TRIM9: variants seen among roughly 807,000 people sequenced by gnomAD.
TRIM9 encodes tripartite motif containing 9.
In TRIM9, 26 loss-of-function variants were observed where a neutral mutation model predicts 78.3. The ratio of observed to expected loss-of-function variants is 0.33; its 90% confidence interval spans 0.24 to 0.46. The LOEUF is 0.46. Ranked by LOEUF, TRIM9 falls within the 20% of genes least tolerant of loss-of-function variation. TRIM9 has a pLI of 1.00. For missense variants in TRIM9, 787 were observed against 1,036.4 expected (o/e 0.76, Z 3.30); for synonymous variants, 398 against 416.5 (o/e 0.96, Z 0.54).
At chr14:51,033,544 G>A (rs1376909330) in intron 1 of TRIM9, among the ~76,000 whole-genome samples, 1 of 152,200 alleles carries the variant, frequency 6.6e-6, no homozygotes, top group East Asian at 1.9e-4. Flanking sequence ...AATTTGCTCT[G>A]GTCCCATTTT....
chr14:51,034,358 G>T (rs1300892221), intron 1 of TRIM9, among the ~76,000 whole-genome samples: 1 of 151,862 alleles, frequency 6.6e-6, no homozygotes, highest in African/African-American at 2.4e-5. Flanking sequence ...TTTGAAAAAG[G>T]GTCCCTTCTC....
intron 1 of TRIM9, among the ~76,000 whole-genome samples, chr14:51,067,820 C>G (rs531187676): frequency 6.6e-6 from 1 of 151,890 alleles, no homozygotes; most frequent in African/African-American, 2.4e-5. Context: ...CTACCATTTA[C>G]TTTTCCTCAC....
intron 1 of TRIM9, among the ~76,000 whole-genome samples, chr14:51,066,617 A>T (rs2061761215): frequency 6.6e-6 from 1 of 152,216 alleles, no homozygotes; most frequent in South Asian, 2.1e-4. Context: ...TAGTTTAAAG[A>T]TCTTAACTGG....
At chr14:50,993,722 T>C (rs2053834715) in intron 7 of TRIM9, among the ~76,000 whole-genome samples, 1 of 152,230 alleles carries the variant, frequency 6.6e-6, no homozygotes, top group African/African-American at 2.4e-5. Context: ...TTCAGTCACC[T>C]TGCAGACAGA....
At chr14:50,981,484 T>C (rs1370378644) in intron 11 of TRIM9, among the ~76,000 whole-genome samples, 1 of 152,196 alleles carries the variant, frequency 6.6e-6, no homozygotes, top group Non-Finnish European at 1.5e-5. Flanking sequence ...TGCTTTTCTG[T>C]TAAGTTGTAG....
At chr14:50,981,646 C>T (rs10137862) in intron 11 of TRIM9, among the ~76,000 whole-genome samples, 154 bp downstream of exon 11, 53,517 of 151,964 alleles carry the variant, frequency 0.35, 9,662 homozygotes, top group South Asian at 0.6. Flanking sequence ...CCAGCATGGA[C>T]TCAGCTGAGG....
At chr14:50,999,476 T>C (rs941455199) in intron 6 of TRIM9, among the ~76,000 whole-genome samples, 2 of 152,060 alleles carry the variant, frequency 1.3e-5, no homozygotes, top group Non-Finnish European at 2.9e-5. Context: ...AATCAACATA[T>C]ATGTAAATAA....
At chr14:51,022,487 C>T (rs901712108) in intron 3 of TRIM9, among the ~76,000 whole-genome samples, 13 of 152,254 alleles carry the variant, frequency 8.5e-5, no homozygotes, top group East Asian at 3.9e-4. Flanking sequence ...TGTGGGATTC[C>T]GCTATATCAA....
chr14:51,073,222 C>T (rs1206340657), intron 1 of TRIM9, among the ~76,000 whole-genome samples: 2 of 152,198 alleles, frequency 1.3e-5, no homozygotes, highest in Non-Finnish European at 2.9e-5. Flanking sequence ...CATGGCACCA[C>T]CATCATCTGG....
chr14:51,004,681 A>G (rs934643069), intron 5 of TRIM9, among the ~76,000 whole-genome samples: 4 of 152,228 alleles, frequency 2.6e-5, no homozygotes, highest in Admixed American at 6.5e-5. Context: ...AGGTATTGCA[A>G]TTATCTTTAT....
chr14:51,078,948 G>A (rs913866821), intron 1 of TRIM9, among the ~76,000 whole-genome samples: 27 of 152,232 alleles, frequency 1.8e-4, no homozygotes, highest in Middle Eastern at 3.4e-3. Context: ...ATGTTAGTCT[G>A]CTTTACTATA....
In TRIM9 at chr14:50,976,636, T is replaced by C. The variant is rs1275233892; in HGVS notation, c.*655A>G. Reference sequence around the variant, plus strand: ...CAATTTTATACAGTGGCCAGGGTTCTGGCCTATCCTAATTATAGAGCCATC... The same window carrying C: ...CAATTTTATACAGTGGCCAGGGTTCCGGCCTATCCTAATTATAGAGCCATC... On this transcript the variant is annotated 3_prime_UTR_variant, in exon 13 of 13. Transcript: ENST00000684578. The C allele has an allele frequency of 6.5e-6, 1 of 152,692 alleles. No individual in the cohort carries two copies. The highest frequency in any genetic ancestry group is 1.5e-5 in the Non-Finnish European group (1 of 68,048). 9.5% of individuals were successfully genotyped at this position (152,692 alleles called of 1,614,324 possible). A position where few individuals can be genotyped will look rare whatever the true frequency, so the allele number is the denominator to read the frequency against.
At chr14:51,051,206 A>ATTT (rs1221329335) in intron 1 of TRIM9, among the ~76,000 whole-genome samples, 80 of 152,348 alleles carry the variant, frequency 5.3e-4, no homozygotes, top group African/African-American at 1.9e-3. Flanking sequence ...ACTATAGGAA[A>ATTT]CCTTCGTTGT....
intron 3 of TRIM9, among the ~76,000 whole-genome samples, chr14:51,018,698 G>T (rs983577260): frequency 6.6e-6 from 1 of 152,152 alleles, no homozygotes; most frequent in African/African-American, 2.4e-5. Context: ...TGAAGACTGC[G>T]CAACATGGTA....
At chr14:51,076,020 T>C (rs1273579677) in intron 1 of TRIM9, among the ~76,000 whole-genome samples, 2 of 152,210 alleles carry the variant, frequency 1.3e-5, no homozygotes, top group African/African-American at 4.8e-5. Context: ...CCAATACAAA[T>C]GGCTGAATGA....
chr14:51,002,124 TG>T (rs35902557), intron 5 of TRIM9, among the ~76,000 whole-genome samples: 5,287 of 152,182 alleles, frequency 0.035, 150 homozygotes, highest in African/African-American at 0.065. Context: ...TGTGTGTGTG[TG>T]TTTTTCTTTT....
intron 1 of TRIM9, among the ~76,000 whole-genome samples, chr14:51,078,028 C>A (rs2062960762): frequency 6.6e-6 from 1 of 152,212 alleles, no homozygotes; most frequent in South Asian, 2.1e-4. Context: ...TCTGTGCCTG[C>A]TGAACAGCTC....
chr14:50,979,519 T>A lies in TRIM9; in HGVS notation c.2193A>T (p.Thr731=). Residue 731 remains threonine, a synonymous_variant, in exon 12 of 13, where the codon ACA becomes ACT. Transcript: ENST00000684578. ...RTEGGITKGA[T]IGVLLDLNRK... ...TATTTAAGTCGAGGAGGACCCCAAT[T>A]GTGGCCCCTTTTGTGATCCCTCCCT... 6.2e-7 allele frequency: 1 copy of A among 1,614,128 alleles called. No individual in the cohort carries two copies. The highest frequency in any genetic ancestry group is 1.7e-5 in the Admixed American group (1 of 60,014).
At chr14:51,051,778 C>G (rs1222498654) in intron 1 of TRIM9, among the ~76,000 whole-genome samples, 1 of 151,940 alleles carries the variant, frequency 6.6e-6, no homozygotes, top group Non-Finnish European at 1.5e-5. Context: ...GCCAGCCTGG[C>G]CAACATAGTG....
Sources: allele counts gnomAD v4.1 joint callset (sites outside exome capture counted in the v4.1 genomes callset), GRCh38; gene constraint gnomAD v4.1.1; transcripts MANE v1.5; gene names NCBI Gene and HGNC (gene_info 2026-07-23, HGNC 2026-07-21).